MLXIP: variants seen among roughly 807,000 people sequenced by gnomAD.
MLXIP encodes MLX interacting protein, also known as MLX-interacting protein.
MLXIP carries 30 observed loss-of-function variants against 87.2 expected under a neutral mutation model. The ratio of observed to expected loss-of-function variants is 0.34; its 90% CI spans 0.26 to 0.47. The LOEUF (loss-of-function observed/expected upper bound fraction) is 0.47. Among genes scored for constraint, MLXIP ranks in the 20% least tolerant of loss-of-function variants. The pLI, the probability that MLXIP is intolerant of heterozygous loss-of-function variation, is 1.00. For missense variants in MLXIP, 1,002 were observed against 1,240.1 expected (o/e 0.81, Z 2.88); for synonymous variants, 530 against 514.0 (o/e 1.03, Z -0.42).
chr12:122,131,320 G>A (rs946889181), intron 7 of MLXIP, among the ~76,000 whole-genome samples: 6 of 152,074 alleles, frequency 3.9e-5, no homozygotes, highest in Middle Eastern at 3.4e-3. Flanking sequence ...GCCAACATGT[G>A]TGGTTCCAAC....
At position 122,141,933 on chromosome 12, in the gene MLXIP, G is replaced by T. The variant is rs147205135; in HGVS notation, c.*121G>T. ...CTCGGGGCCTCTCTCCAACTCTGCC[G>T]GCCCACCGTGGCATCGGGAGGCCAT... On this transcript the variant is annotated 3_prime_UTR_variant, in exon 17 of 17. Coordinates refer to ENST00000319080, the MANE Select transcript of MLXIP (RefSeq NM_014938.6). The T allele has an allele frequency of 2.9e-3, 4,122 of 1,445,542 alleles. 74 individuals are homozygous for T. Among genetic ancestry groups the T allele is most frequent in the Non-Finnish European group, 1.4e-3 (1,530 of 1,075,066 alleles). 89.5% of individuals were successfully genotyped at this position (1,445,542 alleles called of 1,614,324 possible).
chr12:122,124,081 C>T (rs1162085052), intron 1 of MLXIP, among the ~76,000 whole-genome samples: 3 of 152,092 alleles, frequency 2.0e-5, no homozygotes, highest in African/African-American at 4.8e-5. Context: ...CCCTTCAGGA[C>T]GCTGAGCACA....
At chr12:122,109,110 T>C (rs1329668728) in intron 1 of MLXIP, among the ~76,000 whole-genome samples, 1 of 152,220 alleles carries the variant, frequency 6.6e-6, no homozygotes, top group African/African-American at 2.4e-5. Flanking sequence ...TTTTTGTATT[T>C]TTAGTAGAGA....
rs1225926743 is a variant in MLXIP, at chr12:122,140,977, G to A, written c.2532G>A (p.Leu844=). The change falls in exon 16 of 17, where the codon CTG becomes CTA. Residue 844 remains leucine, a synonymous_variant. Transcript: ENST00000319080. ...AGTTCAGCATCATCATCAAGCCGCT[G>A]TTTGAGTCGTTCAAGGGCATGGTGT... The part of the protein sequence containing the change: ...FWIFSIIIKP[L]FESFKGMVST... 8 of 1,613,924 alleles carry A rather than the reference G, an allele frequency of 5.0e-6. No individual in the cohort carries two copies. The highest frequency in any genetic ancestry group is 1.3e-5 in the African/African-American group (1 of 74,932).
intron 1 of MLXIP, among the ~76,000 whole-genome samples, chr12:122,079,578 C>T (rs1428446444): frequency 6.6e-6 from 1 of 152,232 alleles, no homozygotes; most frequent in Non-Finnish European, 1.5e-5. Flanking sequence ...CTTGTGTTAC[C>T]CGACTCTATC....
chr12:122,123,637 C>T (rs1952820467), intron 1 of MLXIP, among the ~76,000 whole-genome samples: 2 of 152,134 alleles, frequency 1.3e-5, no homozygotes, highest in South Asian at 2.1e-4. Flanking sequence ...GGTATGACAC[C>T]CTCTGCCCTC....
chr12:122,123,724 C>T (rs1024242481), intron 1 of MLXIP, among the ~76,000 whole-genome samples: 5 of 152,114 alleles, frequency 3.3e-5, no homozygotes, highest in Non-Finnish European at 2.9e-5. Context: ...TTTTCTGAGA[C>T]GGTCTTGCTC....
Position 122,135,919 on chromosome 12 carries a change from C to T in MLXIP, c.2032+253C>T, listed in dbSNP as rs556840667. 2.2e-6 allele frequency: 1 copy of T among 459,676 alleles called. No individual in the cohort carries two copies. The highest frequency in any genetic ancestry group is 3.8e-5 in the East Asian group (1 of 26,160). 28.5% of individuals were successfully genotyped at this position (459,676 alleles called of 1,614,324 possible). On this transcript the variant is annotated intron_variant, in intron 11 of 16. Transcript: ENST00000319080. This position sits in a 1 kb window ranked among gnomAD's most constrained non-coding sequence, Gnocchi z 5.3. ...TAGGTGACCCGTGTGCTCGGGGAGTCCCTGCTGACTGCCCACGAAGGCCTG... is the reference window on the plus strand; with the variant it reads ...TAGGTGACCCGTGTGCTCGGGGAGTTCCTGCTGACTGCCCACGAAGGCCTG...
chr12:122,097,043 G>C (rs1182303074), intron 1 of MLXIP, among the ~76,000 whole-genome samples: 1 of 152,220 alleles, frequency 6.6e-6, no homozygotes, highest in African/African-American at 2.4e-5. Context: ...TGTCTGGCTT[G>C]GCAGCCTTGC....
chr12:122,126,457 A>T (rs4758689), intron 1 of MLXIP, among the ~76,000 whole-genome samples: 30,836 of 152,058 alleles, frequency 0.2, 3,250 homozygotes, highest in East Asian at 0.26. Context: ...CGGGGGCAGC[A>T]TCTTGAAGGA....
Position 122,083,076 on chromosome 12 carries a change from T to C in MLXIP, c.413+3810T>C, listed in dbSNP as rs75354161. Among the ~76,000 whole-genome samples, 896 of 152,334 alleles carry C rather than the reference T, an allele frequency of 5.9e-3. 38 individuals carry two copies. The East Asian group carries it at 0.11, about 19-fold the overall frequency. ...CTTAAGCAGTCCTTCCACCTCAGCC[T>C]TCCAAAATGATGAGATTCTAGGAGT... On this transcript the variant is annotated intron_variant, in intron 1 of 16. Coordinates refer to ENST00000319080, the MANE Select transcript of MLXIP (RefSeq NM_014938.6).
At chr12:122,117,462 T>C (rs940458884) in intron 1 of MLXIP, among the ~76,000 whole-genome samples, 2 of 152,246 alleles carry the variant, frequency 1.3e-5, no homozygotes, top group African/African-American at 4.8e-5. Flanking sequence ...GACTAGCCGA[T>C]AGAGACTGCC....
At chr12:122,141,516 AG>A in intron 16 of MLXIP, 174 bp from the exon 17 acceptor site, 1 of 621,206 alleles carries the variant, frequency 1.6e-6, no homozygotes, top group Non-Finnish European at 2.0e-6. Flanking sequence ...CTGGAGGCAG[AG>A]GGGTGAGTGC....
chr12:122,096,993 A>AT (rs1202165947), intron 1 of MLXIP, among the ~76,000 whole-genome samples: 1 of 152,186 alleles, frequency 6.6e-6, no homozygotes, highest in Admixed American at 6.5e-5. Context: ...CTGAAAAATG[A>AT]TTTAAGTATT....
chr12:122,110,920 A>G (rs1238906247), intron 1 of MLXIP, among the ~76,000 whole-genome samples: 1 of 152,012 alleles, frequency 6.6e-6, no homozygotes, highest in Non-Finnish European at 1.5e-5. Context: ...TACTAAAAAT[A>G]CAAAAAATTA....
At chr12:122,120,254 G>T (rs994012052) in intron 1 of MLXIP, among the ~76,000 whole-genome samples, 1 of 149,088 alleles carries the variant, frequency 6.7e-6, no homozygotes, top group Non-Finnish European at 1.5e-5. Flanking sequence ...ACAGGGTCTT[G>T]CCCTGTCACC....
Position 122,078,906 on chromosome 12 carries a change from GC to G in MLXIP, c.55del (p.Gln19ArgfsTer115). ...CSPRRPRSRG[R>X]QVLLKPQVSE... Reference sequence around the variant, plus strand: ...CCGCGCCGGCCTCGCAGCCGGGGCCGCCAGGTGCTGCTCAAGCCCCAGGTGT... The same window carrying G: ...CCGCGCCGGCCTCGCAGCCGGGGCCGCAGGTGCTGCTCAAGCCCCAGGTGT... On this transcript the variant is annotated frameshift_variant, in exon 1 of 17. Transcript: ENST00000319080. LOFTEE classifies it high-confidence loss of function. The G allele has an allele frequency of 8.7e-7, 1 of 1,144,650 alleles. No individual in the cohort carries two copies. Among genetic ancestry groups the G allele is most frequent in the Non-Finnish European group, 1.1e-6 (1 of 926,944 alleles). 70.9% of individuals were successfully genotyped at this position (1,144,650 alleles called of 1,614,324 possible).
chr12:122,139,632 G>T (rs899159355), intron 15 of MLXIP, among the ~76,000 whole-genome samples: 1 of 152,190 alleles, frequency 6.6e-6, no homozygotes. Flanking sequence ...AGGGCAGGGC[G>T]CAGCACCTGT....
intron 1 of MLXIP, among the ~76,000 whole-genome samples, chr12:122,091,630 T>C (rs1010978902): frequency 6.6e-6 from 1 of 152,216 alleles, no homozygotes; most frequent in Non-Finnish European, 1.5e-5. Flanking sequence ...AAATAGGATA[T>C]CTGTAAGGCT....
Sources: allele counts gnomAD v4.1 joint callset (sites outside exome capture counted in the v4.1 genomes callset), GRCh38; gene constraint gnomAD v4.1.1; non-coding constraint Gnocchi (gnomAD v3.1); transcripts MANE v1.5; gene names NCBI Gene and HGNC (gene_info 2026-07-23, HGNC 2026-07-21).